The following CNTN1 variants were observed in gnomAD, a reference collection of about 807,000 sequenced individuals.
CNTN1 encodes the protein contactin 1.
In CNTN1, 38 loss-of-function variants were observed where a neutral mutation model predicts 126.4. That is an observed-to-expected ratio of 0.30 (90% confidence interval 0.23 to 0.39). The LOEUF is 0.39. Among genes scored for constraint, CNTN1 ranks in the 10% least tolerant of loss-of-function variants. The pLI, the probability that CNTN1 is intolerant of heterozygous loss-of-function variation, is 1.00. For synonymous variants in CNTN1, 413 were observed against 422.6 expected, an observed-to-expected ratio of 0.98 and a Z score of 0.28; for missense variants, 1,009 against 1,248.4, an observed-to-expected ratio of 0.81 and a Z score of 2.89.
intron 1 of CNTN1, among the ~76,000 whole-genome samples, chr12:40,785,771 C>A (rs6581953): frequency 0.91 from 137,676 of 152,040 alleles, 62,467 homozygotes; most frequent in Middle Eastern, 0.95. Flanking sequence ...TTGCTTCAGG[C>A]CATCTGGATG....
intron 15 of CNTN1, among the ~76,000 whole-genome samples, chr12:40,980,532 A>G (rs1447330925): frequency 6.6e-6 from 1 of 151,878 alleles, no homozygotes; most frequent in Non-Finnish European, 1.5e-5. Context: ...AAATGTTCCC[A>G]TATCTAAACT....
intron 16 of CNTN1, among the ~76,000 whole-genome samples, chr12:40,990,585 G>A (rs1006018487): frequency 1.3e-5 from 2 of 151,976 alleles, no homozygotes; most frequent in Non-Finnish European, 2.9e-5. Flanking sequence ...ACATATTTTT[G>A]GTGGTCAACT....
intron 23 of CNTN1, among the ~76,000 whole-genome samples, chr12:41,049,595 C>G (rs1949626433): frequency 6.6e-6 from 1 of 152,204 alleles, no homozygotes; most frequent in African/African-American, 2.4e-5. Context: ...TTGCACTAAC[C>G]ATCTAATTGT....
intron 1 of CNTN1, among the ~76,000 whole-genome samples, chr12:40,874,165 T>G (rs1253036893): frequency 6.6e-6 from 1 of 152,100 alleles, no homozygotes; most frequent in African/African-American, 2.4e-5. Context: ...TTGCCTCAGT[T>G]TTCCTATCTA....
chr12:40,891,583 A>T (rs1387833763), intron 1 of CNTN1, among the ~76,000 whole-genome samples: 6 of 152,070 alleles, frequency 3.9e-5, no homozygotes, highest in Admixed American at 3.9e-4. Context: ...TACGTAGCTA[A>T]ATTTTTTTTG....
intron 1 of CNTN1, among the ~76,000 whole-genome samples, chr12:40,890,686 A>G (rs531061888): frequency 7.2e-5 from 11 of 152,078 alleles, no homozygotes; most frequent in African/African-American, 2.7e-4. Flanking sequence ...TTGACAGCTC[A>G]TTTCTTTTTA....
At chr12:40,916,014 T>C (rs1945226872) in intron 3 of CNTN1, among the ~76,000 whole-genome samples, 1 of 152,114 alleles carries the variant, frequency 6.6e-6, no homozygotes, top group African/African-American at 2.4e-5. Flanking sequence ...GGTAATAACA[T>C]TTACATCATC....
intron 17 of CNTN1, among the ~76,000 whole-genome samples, chr12:41,002,137 T>G (rs1475589555): frequency 6.6e-6 from 1 of 152,180 alleles, no homozygotes; most frequent in African/African-American, 2.4e-5. Flanking sequence ...TTTGGTTCCA[T>G]GTGAATTTTA....
At chr12:41,050,027 G>T (rs1323113379) in intron 23 of CNTN1, among the ~76,000 whole-genome samples, 1 of 152,136 alleles carries the variant, frequency 6.6e-6, no homozygotes, top group Non-Finnish European at 1.5e-5. Context: ...AGCCTCCCAA[G>T]TAGCTGGGAT....
rs574051448 is a variant in CNTN1, at chr12:40,794,787, A to G, written c.-77+102195A>G. On this transcript the variant is annotated intron_variant, in intron 1 of 23. Coordinates refer to ENST00000551295, the MANE Select transcript of CNTN1 (RefSeq NM_001843.4). ...TTGGGAAAGGCTTCTCAAACAGAATAAACTTGAAAAGTGAGTCTGCCAATT... is the reference window on the plus strand; with the variant it reads ...TTGGGAAAGGCTTCTCAAACAGAATGAACTTGAAAAGTGAGTCTGCCAATT... Among the ~76,000 whole-genome samples, 3 of 152,164 alleles carry G rather than the reference A, an allele frequency of 2.0e-5. No individual in the cohort carries two copies. In the South Asian group the frequency reaches 6.2e-4, roughly 32 times the overall value.
intron 1 of CNTN1, among the ~76,000 whole-genome samples, chr12:40,845,537 C>T (rs1942466373): frequency 6.6e-6 from 1 of 152,134 alleles, no homozygotes; most frequent in Non-Finnish European, 1.5e-5. Flanking sequence ...GCCATCACAT[C>T]TGAATTTATG....
At chr12:40,746,633 G>T (rs551047402) in intron 1 of CNTN1, among the ~76,000 whole-genome samples, 1 of 152,030 alleles carries the variant, frequency 6.6e-6, no homozygotes, top group African/African-American at 2.4e-5. Flanking sequence ...CTTGCATCCC[G>T]TTTCCCTTGA....
At chr12:40,867,261 C>G (rs1401212498) in intron 1 of CNTN1, among the ~76,000 whole-genome samples, 6 of 152,260 alleles carry the variant, frequency 3.9e-5, no homozygotes, top group African/African-American at 1.4e-4. Flanking sequence ...TCCCCACACC[C>G]CATCTGCATC....
intron 1 of CNTN1, among the ~76,000 whole-genome samples, chr12:40,843,454 C>T (rs1942369673): frequency 6.6e-6 from 1 of 152,062 alleles, no homozygotes; most frequent in Non-Finnish European, 1.5e-5. Flanking sequence ...GTAATATTTG[C>T]CATCTTTTCA....
chr12:40,704,677 G>A (rs1461706826), intron 1 of CNTN1, among the ~76,000 whole-genome samples: 4 of 152,064 alleles, frequency 2.6e-5, no homozygotes, highest in African/African-American at 9.7e-5. Context: ...TATCTGTTAT[G>A]GGGGTATAAG....
At chr12:41,002,177 C>T (rs1566119716) in intron 17 of CNTN1, among the ~76,000 whole-genome samples, 1 of 152,100 alleles carries the variant, frequency 6.6e-6, no homozygotes, top group Non-Finnish European at 1.5e-5. Flanking sequence ...TGTGAAGAAT[C>T]TCAATGGTAA....
chr12:40,968,815 A>G (rs1183436790), intron 15 of CNTN1, among the ~76,000 whole-genome samples: 2 of 152,150 alleles, frequency 1.3e-5, no homozygotes, highest in African/African-American at 2.4e-5. Context: ...AACTACATGA[A>G]TATGCTTTTC....
intron 1 of CNTN1, among the ~76,000 whole-genome samples, chr12:40,705,491 G>A (rs907713705): frequency 4.6e-5 from 7 of 151,100 alleles, no homozygotes; most frequent in African/African-American, 1.7e-4. Context: ...TTTTTTCAAT[G>A]TTTAATAATA....
intron 1 of CNTN1, among the ~76,000 whole-genome samples, chr12:40,709,933 A>G (rs932959242): frequency 6.3e-4 from 96 of 152,188 alleles, no homozygotes; most frequent in African/African-American, 2.3e-3. Flanking sequence ...TGTGTACACT[A>G]AAGTAGTACT....
Sources: allele counts gnomAD v4.1 joint callset (sites outside exome capture counted in the v4.1 genomes callset), GRCh38; gene constraint gnomAD v4.1.1; transcripts MANE v1.5; gene names NCBI Gene and HGNC (gene_info 2026-07-23, HGNC 2026-07-21).